The following AGAP1 variants were observed in gnomAD, a reference collection of about 807,000 sequenced individuals.
The protein encoded by AGAP1 is arf-GAP with GTPase, ANK repeat and PH domain-containing protein 1.
AGAP1 carries 29 observed loss-of-function variants against 105.3 expected under a neutral mutation model. The ratio of observed to expected loss-of-function variants is 0.28; its 90% CI spans 0.21 to 0.38. The LOEUF is 0.38. AGAP1 is among the 10% of genes least tolerant of loss of function. The probability of loss-of-function intolerance (pLI) is 1.00; values close to 1 mark genes in which losing one functional copy is unlikely to be tolerated. For synonymous variants in AGAP1, 509 were observed against 485.9 expected, an observed-to-expected ratio of 1.05 and a Z score of -0.63; for missense variants, 998 against 1,165.1, an observed-to-expected ratio of 0.86 and a Z score of 2.09.
chr2:235,711,794 A>G (rs1163122942), intron 2 of AGAP1, among the ~76,000 whole-genome samples: 5 of 152,132 alleles, frequency 3.3e-5, no homozygotes, highest in East Asian at 3.9e-4. Context: ...TAGGGCTGCA[A>G]TTGTTTCCCT....
chr2:235,962,126 G>GCC lies in AGAP1; in HGVS notation c.1484-6336_1484-6335insCC, dbSNP rs2054217652. 6.6e-6 allele frequency among the ~76,000 whole-genome samples: 1 copy of GCC among 151,688 alleles called. No homozygotes were observed. The highest frequency in any genetic ancestry group is 6.6e-5 in the Admixed American group (1 of 15,248). The stretch of plus-strand genomic sequence containing the variant: ...TGAGGTCATCGTGAGGATGGTGTGG[G>GCC]GCGTGGGGTGTTTGAAGCGGGAGGA... On this transcript the variant is annotated intron_variant, in intron 12 of 17. Transcript: ENST00000304032. The surrounding 1 kb of genome is among the most constrained non-coding windows in gnomAD (Gnocchi z 5.3).
At chr2:235,940,985 T>C (rs1166266552) in intron 12 of AGAP1, among the ~76,000 whole-genome samples, 1 of 152,234 alleles carries the variant, frequency 6.6e-6, no homozygotes. Flanking sequence ...TGTATTTCGT[T>C]CGATTTGCAA....
At chr2:235,878,222 C>T (rs1296118050) in intron 9 of AGAP1, among the ~76,000 whole-genome samples, 2 of 152,202 alleles carry the variant, frequency 1.3e-5, no homozygotes, top group African/African-American at 2.4e-5. Flanking sequence ...ACAAACACCG[C>T]GTGCACGTGC....
intron 13 of AGAP1, among the ~76,000 whole-genome samples, chr2:236,029,107 C>CA (rs1340955733): frequency 2.6e-5 from 4 of 152,244 alleles, no homozygotes; most frequent in East Asian, 1.9e-4. Context: ...CCGCTACTCT[C>CA]ACGTTCTCCA....
In AGAP1 at chr2:236,004,596, A is replaced by G. The variant is rs372223689; in HGVS notation, c.1646-31965A>G. On this transcript the variant is annotated intron_variant, in intron 13 of 17. Coordinates refer to ENST00000304032, the MANE Select transcript of AGAP1 (RefSeq NM_001037131.3). ...ACAATTCCAAATAAAATATATGGAGACAGCACAGCATCCGGAAGAACTGGC... is the reference window on the plus strand; with the variant it reads ...ACAATTCCAAATAAAATATATGGAGGCAGCACAGCATCCGGAAGAACTGGC... Among the ~76,000 whole-genome samples, 23 of 152,368 alleles carry G rather than the reference A, an allele frequency of 1.5e-4. No individual in the cohort carries two copies. In the East Asian group the frequency reaches 4.2e-3, roughly 28 times the overall value.
rs757074302 is a variant in AGAP1, at chr2:236,129,476, C to T, written c.*5354C>T. ...GAAACAGTCCTCAGACTGGTCCTTC[C>T]GACACAGGCAGAGAGTGAACTGGAT... On this transcript the variant is annotated 3_prime_UTR_variant, in exon 18 of 18. Transcript: ENST00000304032. The surrounding 1 kb of genome is among the most constrained non-coding windows in gnomAD (Gnocchi z 6.2). The T allele has an allele frequency of 2.0e-5, 3 of 152,212 alleles. No homozygotes were observed. The highest frequency in any genetic ancestry group is 4.8e-5 in the African/African-American group (2 of 41,454). The allele number at this position is 152,212 out of a possible 1,614,324, so 9.4% of individuals were successfully genotyped here. A position where few individuals can be genotyped will look rare whatever the true frequency, so the allele number is the denominator to read the frequency against.
intron 5 of AGAP1, among the ~76,000 whole-genome samples, chr2:235,748,355 A>G (rs953506878): frequency 6.6e-6 from 1 of 152,224 alleles, no homozygotes; most frequent in Non-Finnish European, 1.5e-5. Context: ...TTTCAAAATT[A>G]TCCTAGAGCA....
chr2:235,838,196 C>A (rs75767136), intron 9 of AGAP1, among the ~76,000 whole-genome samples: 8,065 of 151,670 alleles, frequency 0.053, 680 homozygotes, highest in African/African-American at 0.18. Flanking sequence ...CCCACCCCCC[C>A]AAAAAAAGAA....
intron 16 of AGAP1, among the ~76,000 whole-genome samples, chr2:236,110,598 A>C (rs2125934639): frequency 6.6e-6 from 1 of 152,306 alleles, no homozygotes. Context: ...TGGTTGGCAC[A>C]TTGCAAATAC....
At chr2:236,074,367 G>A (rs1305835274) in intron 16 of AGAP1, among the ~76,000 whole-genome samples, 3 of 152,158 alleles carry the variant, frequency 2.0e-5, no homozygotes, top group Admixed American at 1.3e-4. Flanking sequence ...TCTTTGGGAC[G>A]ACTTTGGATC....
rs1007036763 is a variant in AGAP1 at position 235,979,703 on chromosome 2, A to G, written c.1645+11080A>G. 2.0e-5 allele frequency among the ~76,000 whole-genome samples: 3 copies of G among 152,210 alleles called. No homozygotes were observed. Among genetic ancestry groups the G allele is most frequent in the Non-Finnish European group, 2.9e-5 (2 of 68,044 alleles). On this transcript the variant is annotated intron_variant, in intron 13 of 17. Transcript: ENST00000304032. This position sits in a 1 kb window ranked among gnomAD's most constrained non-coding sequence, Gnocchi z 4.5. ...AAAATTGGCCATTTGTCTGTGGGGT[A>G]ATGGGCTTTGCTGCAATATGAAAAT...
intron 6 of AGAP1, among the ~76,000 whole-genome samples, chr2:235,767,367 G>C (rs984478048): frequency 2.0e-5 from 3 of 152,232 alleles, no homozygotes; most frequent in Non-Finnish European, 4.4e-5. Flanking sequence ...TTGGGCGCAG[G>C]CTTCTCGTGC....
Position 235,586,187 on chromosome 2 carries a change from G to T in AGAP1, c.163+91338G>T, listed in dbSNP as rs1945104714. Among the ~76,000 whole-genome samples the T allele has an allele frequency of 6.6e-6, 1 of 152,200 alleles. No individual in the cohort carries two copies. On this transcript the variant is annotated intron_variant, in intron 1 of 17. Transcript: ENST00000304032. This position sits in a 1 kb window ranked among gnomAD's most constrained non-coding sequence, Gnocchi z 4.2. ...CGTGTAAGTCAACACTACCTTGTGT[G>T]TGTGCGCATACACACAAAGAGGGTG...
intron 6 of AGAP1, among the ~76,000 whole-genome samples, chr2:235,781,830 A>G (rs116460953): frequency 2.6e-3 from 397 of 152,176 alleles, no homozygotes; most frequent in Middle Eastern, 6.8e-3. Flanking sequence ...TTTTATGTAA[A>G]TAATCTCATC....
At chr2:235,584,578 A>G (rs1426139508) in intron 1 of AGAP1, among the ~76,000 whole-genome samples, 1 of 151,646 alleles carries the variant, frequency 6.6e-6, no homozygotes, top group Non-Finnish European at 1.5e-5. Flanking sequence ...CAAAGGTCGG[A>G]GCAAGCTGTG....
intron 13 of AGAP1, among the ~76,000 whole-genome samples, chr2:236,025,559 C>T (rs1412141081): frequency 2.0e-5 from 3 of 152,072 alleles, no homozygotes; most frequent in Non-Finnish European, 4.4e-5. Context: ...ACATAATGAG[C>T]GTAAATGGTC....
At chr2:235,573,585 G>A (rs764012770) in intron 1 of AGAP1, among the ~76,000 whole-genome samples, 1 of 152,080 alleles carries the variant, frequency 6.6e-6, no homozygotes, top group East Asian at 1.9e-4. Context: ...CCATTTCATC[G>A]ATTTGTGTGA....
At chr2:235,858,896 G>T (rs993894377) in intron 9 of AGAP1, among the ~76,000 whole-genome samples, 1 of 152,178 alleles carries the variant, frequency 6.6e-6, no homozygotes. Flanking sequence ...CATAAATACT[G>T]CCAGTCTTTT....
rs1945083951 is a variant in AGAP1 at position 235,585,663 on chromosome 2, G to A, written c.163+90814G>A. Among the ~76,000 whole-genome samples, 3 of 152,126 alleles carry A rather than the reference G, an allele frequency of 2.0e-5. No individual in the cohort carries two copies. The South Asian group carries it at 6.2e-4, about 32-fold the overall frequency. ...GATTCTCAATCTAGGTTTGGGAAGA[G>A]GAACTTAAGGCTCCACAGAAATTTG... On this transcript the variant is annotated intron_variant, in intron 1 of 17. Transcript: ENST00000304032.
Sources: allele counts gnomAD v4.1 joint callset (sites outside exome capture counted in the v4.1 genomes callset), GRCh38; gene constraint gnomAD v4.1.1; non-coding constraint Gnocchi (gnomAD v3.1); transcripts MANE v1.5; gene names NCBI Gene and HGNC (gene_info 2026-07-23, HGNC 2026-07-21).